Variants in NRG1 observed in about 807,000 individuals in gnomAD.
The protein encoded by NRG1 is neuregulin 1.
Under a neutral mutation model 63.8 loss-of-function variants are expected in NRG1, and 18 were observed. That is an observed-to-expected ratio of 0.28 (90% CI 0.19 to 0.42). The LOEUF is 0.42. NRG1 is among the 10% of genes least tolerant of loss of function. NRG1 has a pLI of 1.00. For missense variants in NRG1, 762 were observed against 814.7 expected (o/e 0.94, Z 0.79); for synonymous variants, 302 against 301.3 (o/e 1.00, Z -0.02).
intron 1 of NRG1, among the ~76,000 whole-genome samples, chr8:32,567,331 A>G (rs934483983): frequency 1.3e-5 from 2 of 152,246 alleles, no homozygotes; most frequent in African/African-American, 4.8e-5. Flanking sequence ...ATGGCTAAGA[A>G]AAATTTGACA....
chr8:31,978,712 T>C (rs1444094447), intron 1 of NRG1, among the ~76,000 whole-genome samples: 1 of 152,110 alleles, frequency 6.6e-6, no homozygotes, highest in African/African-American at 2.4e-5. Flanking sequence ...TAAAAATGAA[T>C]CTGCTTAAAT....
At chr8:32,667,940 C>T (rs191139121) in intron 5 of NRG1, among the ~76,000 whole-genome samples, 41 of 152,168 alleles carry the variant, frequency 2.7e-4, no homozygotes, top group Middle Eastern at 3.4e-3. Flanking sequence ...TGGCCTGGCA[C>T]GGTGACTCAC....
chr8:31,704,768 C>T (rs983359670), intron 1 of NRG1, among the ~76,000 whole-genome samples: 1 of 148,094 alleles, frequency 6.8e-6, no homozygotes, highest in Admixed American at 6.8e-5. Context: ...GGAGGTGGAG[C>T]TTGCAGTGAG....
chr8:32,212,519 G>A (rs946004148), intron 1 of NRG1, among the ~76,000 whole-genome samples: 1 of 152,038 alleles, frequency 6.6e-6, no homozygotes, highest in Non-Finnish European at 1.5e-5. Flanking sequence ...AGCCACATGT[G>A]GTCAGTAAGT....
chr8:32,735,228 A>G (rs1824710359), intron 6 of NRG1, among the ~76,000 whole-genome samples: 1 of 152,224 alleles, frequency 6.6e-6, no homozygotes, highest in Non-Finnish European at 1.5e-5. Context: ...AGTTGATTTT[A>G]TAAGTTGGCT....
chr8:32,055,414 A>G (rs987375383), intron 1 of NRG1, among the ~76,000 whole-genome samples: 1 of 152,130 alleles, frequency 6.6e-6, no homozygotes, highest in Non-Finnish European at 1.5e-5. Flanking sequence ...GAATTAATAT[A>G]ATAGATTTAT....
intron 1 of NRG1, chr8:32,030,606 G>A (rs1203375935): frequency 6.6e-6 from 1 of 151,964 alleles, no homozygotes; most frequent in Non-Finnish European, 1.5e-5. Flanking sequence ...TAGCTACAGA[G>A]GGGACCATAT....
intron 1 of NRG1, among the ~76,000 whole-genome samples, chr8:32,357,262 T>C (rs1806560798): frequency 6.6e-6 from 1 of 152,024 alleles, no homozygotes; most frequent in Non-Finnish European, 1.5e-5. Flanking sequence ...AAGAAATAAG[T>C]AAGAAAGAAA....
chr8:32,731,893 A>ATCCC (rs1189299758), intron 6 of NRG1, among the ~76,000 whole-genome samples: 1 of 152,174 alleles, frequency 6.6e-6, no homozygotes, highest in Non-Finnish European at 1.5e-5. Context: ...AATCAGCTTT[A>ATCCC]TCCCTGACTA....
At chr8:32,358,472 A>G (rs1563356604) in intron 1 of NRG1, among the ~76,000 whole-genome samples, 1 of 151,856 alleles carries the variant, frequency 6.6e-6, no homozygotes. Flanking sequence ...TCACACTGAG[A>G]CTTAAGGGAG....
intron 1 of NRG1, among the ~76,000 whole-genome samples, chr8:32,589,307 C>G (rs1842136075): frequency 2.6e-5 from 4 of 152,160 alleles, no homozygotes; most frequent in Admixed American, 2.0e-4. Flanking sequence ...TTTGGAGACT[C>G]TCCATAGTAA....
At chr8:32,265,518 C>A (rs1850832206) in intron 1 of NRG1, among the ~76,000 whole-genome samples, 2 of 151,726 alleles carry the variant, frequency 1.3e-5, no homozygotes, top group Admixed American at 1.3e-4. Context: ...CAAAAATATT[C>A]AGAAAAAAAA....
intron 1 of NRG1, among the ~76,000 whole-genome samples, chr8:32,405,244 C>A (rs1813799586): frequency 6.6e-6 from 1 of 152,194 alleles, no homozygotes; most frequent in African/African-American, 2.4e-5. Context: ...GTTCTTAGGT[C>A]ACTTCTTTCC....
At chr8:32,449,435 C>G (rs1479480169) in intron 1 of NRG1, among the ~76,000 whole-genome samples, 1 of 149,600 alleles carries the variant, frequency 6.7e-6, no homozygotes, top group Non-Finnish European at 1.5e-5. Flanking sequence ...AGAACAAAAA[C>G]AACAACAAAA....
chr8:32,096,560 A>G (rs1318956611), intron 1 of NRG1, among the ~76,000 whole-genome samples: 1 of 152,186 alleles, frequency 6.6e-6, no homozygotes, highest in African/African-American at 2.4e-5. Context: ...CACGTTTGTG[A>G]TGTCTGGAAA....
At chr8:31,825,959 T>C (rs980303894) in intron 1 of NRG1, among the ~76,000 whole-genome samples, 1 of 152,212 alleles carries the variant, frequency 6.6e-6, no homozygotes, top group Admixed American at 6.5e-5. Context: ...TTCCTCTCCA[T>C]GAATGCTAGA....
At chr8:32,632,263 A>T (rs753959948) in intron 5 of NRG1, among the ~76,000 whole-genome samples, 2 of 152,120 alleles carry the variant, frequency 1.3e-5, no homozygotes, top group African/African-American at 2.4e-5. Context: ...TTAATTGGAC[A>T]TGTCACTGGC....
At chr8:32,713,419 G>A (rs909536789) in intron 5 of NRG1, among the ~76,000 whole-genome samples, 4 of 151,904 alleles carry the variant, frequency 2.6e-5, no homozygotes, top group East Asian at 3.9e-4. Context: ...AGGGTATTAC[G>A]CCTTATTTAC....
chr8:32,699,119 G>T (rs770854079), intron 5 of NRG1, among the ~76,000 whole-genome samples: 1 of 152,098 alleles, frequency 6.6e-6, no homozygotes, highest in Non-Finnish European at 1.5e-5. Context: ...GCATTCTCTC[G>T]ATTCCATCCT....
Sources: allele counts gnomAD v4.1 joint callset (sites outside exome capture counted in the v4.1 genomes callset), GRCh38; gene constraint gnomAD v4.1.1; transcripts MANE v1.5; gene names NCBI Gene and HGNC (gene_info 2026-07-23, HGNC 2026-07-21).